RNF14: variants seen among roughly 807,000 people sequenced by gnomAD.
The protein encoded by RNF14 is E3 ubiquitin-protein ligase RNF14.
In RNF14, 26 loss-of-function variants were observed where a neutral mutation model predicts 52.6. The observed-to-expected ratio is 0.49, with a 90% CI of 0.36 to 0.69. RNF14 has a LOEUF of 0.69. Ranked by LOEUF, RNF14 falls within the 30% of genes least tolerant of loss-of-function variation. RNF14 has a pLI of 0.00. For missense variants in RNF14, 404 were observed against 560.4 expected (o/e 0.72, Z 2.82); for synonymous variants, 194 against 202.0 (o/e 0.96, Z 0.34).
At chr5:141,955,546 T>C, upstream of RNF14, 1 of 1,614,120 alleles carries the variant, frequency 6.2e-7, no homozygotes, top group Non-Finnish European at 8.5e-7. This position sits in a 1 kb window ranked among gnomAD's most constrained non-coding sequence, Gnocchi z 5.5. Context: ...CTTCTGAATG[T>C]GTTTCTGGGG....
At chr5:141,952,252 G>T in the RNF14 span, among the ~76,000 whole-genome samples, 1 of 152,152 alleles carries the variant, frequency 6.6e-6, no homozygotes. Context: ...TACCACAGGG[G>T]TTGCCTCTGG....
intron 8 of RNF14, among the ~76,000 whole-genome samples, chr5:141,987,085 C>T (rs1003623497): frequency 2.0e-5 from 3 of 152,090 alleles, no homozygotes; most frequent in Non-Finnish European, 4.4e-5. Context: ...GGAGGGGCAG[C>T]ATCAGGCAGT....
At chr5:141,954,431 A>G (rs147507352), upstream of RNF14, among the ~76,000 whole-genome samples, 194 of 152,354 alleles carry the variant, frequency 1.3e-3, no homozygotes, top group African/African-American at 4.4e-3. Flanking sequence ...AGTACTGACT[A>G]CATGTCAGAT....
At chr5:141,956,139 G>T (rs770371311), upstream of RNF14, 1 of 1,614,116 alleles carries the variant, frequency 6.2e-7, no homozygotes, top group Middle Eastern at 1.6e-4. Context: ...CTTTTCCATC[G>T]CTGAGCACAG....
Position 141,988,501 on chromosome 5 carries a change from CAGA to C in RNF14, c.*716_*718del, listed in dbSNP as rs1755424175. Reference sequence around the variant, plus strand: ...AATCTAGAATTTAGTGATACTGGCTCAGAAGAATTTAAGTTCTATTCAGCCTTC... The same window carrying C: ...AATCTAGAATTTAGTGATACTGGCTCAGAATTTAAGTTCTATTCAGCCTTC... On this transcript the variant is annotated 3_prime_UTR_variant, in exon 9 of 9. Coordinates refer to ENST00000394520, the MANE Select transcript of RNF14 (RefSeq NM_004290.5). 1 of 152,296 alleles carries C rather than the reference CAGA, an allele frequency of 6.6e-6. No individual in the cohort carries two copies. Among genetic ancestry groups the C allele is most frequent in the Non-Finnish European group, 1.5e-5 (1 of 68,036 alleles). 9.4% of individuals were successfully genotyped at this position (152,296 alleles called of 1,614,324 possible). A position where few individuals can be genotyped will look rare whatever the true frequency, so the allele number is the denominator to read the frequency against.
intron 7 of RNF14, 115 bp from the exon 8 acceptor site, chr5:141,984,688 C>T: frequency 6.8e-6 from 6 of 885,404 alleles, no homozygotes; most frequent in Non-Finnish European, 1.1e-5. Flanking sequence ...ATATCTCAAC[C>T]CTGCATAAGA....
Position 141,973,572 on chromosome 5 carries a change from A to T in RNF14, c.-6-11A>T, listed in dbSNP as rs763386195. ...GCATTTTCTGTTCTTAACTGATTTTAATGTTTTCAGGTCCTTATGTCGTCA... is the reference window on the plus strand; with the variant it reads ...GCATTTTCTGTTCTTAACTGATTTTTATGTTTTCAGGTCCTTATGTCGTCA... On this transcript the variant is annotated splice_polypyrimidine_tract_variant and intron_variant, in intron 2 of 8. Coordinates refer to ENST00000394520, the MANE Select transcript of RNF14 (RefSeq NM_004290.5). 6.9e-6 allele frequency: 11 copies of T among 1,602,272 alleles called. No individual in the cohort carries two copies. The highest frequency in any genetic ancestry group is 8.5e-6 in the Non-Finnish European group (10 of 1,175,766).
chr5:141,950,809 G>A, the RNF14 span, among the ~76,000 whole-genome samples: 1 of 152,214 alleles, frequency 6.6e-6, no homozygotes, highest in Non-Finnish European at 1.5e-5. Context: ...AAGGGGAAAG[G>A]AGTTAGCATT....
At chr5:141,984,238 C>A (rs1049189466) in intron 7 of RNF14, among the ~76,000 whole-genome samples, 1 of 151,910 alleles carries the variant, frequency 6.6e-6, no homozygotes, top group Non-Finnish European at 1.5e-5. Flanking sequence ...GCTGGGATTA[C>A]AGGCGCCAGC....
Position 141,973,640 on chromosome 5 carries a change from A to G in RNF14, c.52A>G (p.Ser18Gly), listed in dbSNP as rs779752506. The stretch of plus-strand genomic sequence containing the variant: ...GGAGGATGAATTGCTGGCCCTGGCA[A>G]GTATTTACGATGGAGATGAATTTAG... The part of the protein sequence containing the change: ...AQEDELLALA[S>G]IYDGDEFRKA... The change falls in exon 3 of 9, where the codon AGT becomes GGT. Residue 18 changes from serine to glycine, a missense_variant. By Grantham distance (56) the Ser-to-Gly change is moderately conservative. Transcript: ENST00000394520. The G allele has an allele frequency of 3.1e-6, 5 of 1,613,964 alleles. No homozygotes were observed. Among genetic ancestry groups the G allele is most frequent in the Non-Finnish European group, 4.2e-6 (5 of 1,179,882 alleles).
intron 1 of RNF14, among the ~76,000 whole-genome samples, chr5:141,959,775 C>T (rs1753240411): frequency 6.6e-6 from 1 of 152,114 alleles, no homozygotes; most frequent in Non-Finnish European, 1.5e-5. Context: ...GGCCTGAATC[C>T]AGGGCCACCT....
chr5:141,951,914 C>T, the RNF14 span, among the ~76,000 whole-genome samples: 1 of 152,218 alleles, frequency 6.6e-6, no homozygotes, highest in Non-Finnish European at 1.5e-5. Context: ...CATTTCCTGA[C>T]CATCAATTTG....
At chr5:141,971,102 A>G (rs928564772) in intron 2 of RNF14, among the ~76,000 whole-genome samples, 2 of 152,192 alleles carry the variant, frequency 1.3e-5, no homozygotes, top group Non-Finnish European at 2.9e-5. Flanking sequence ...TGCAAATGCA[A>G]TTGTAGTTCA....
upstream of RNF14, among the ~76,000 whole-genome samples, chr5:141,966,302 C>T (rs1250990388): frequency 6.6e-6 from 1 of 152,056 alleles, no homozygotes; most frequent in African/African-American, 2.4e-5. Context: ...CAAAACAAAA[C>T]CCCAAAGTAT....
intron 4 of RNF14, among the ~76,000 whole-genome samples, chr5:141,977,849 T>C (rs1754400871): frequency 6.6e-6 from 1 of 152,266 alleles, no homozygotes; most frequent in African/African-American, 2.4e-5. Context: ...ATTTTTAAAC[T>C]ATTCTTTTTC....
At position 141,980,388 on chromosome 5, in the gene RNF14, G is replaced by A. The variant is rs373659810; in HGVS notation, c.1063+37G>A. The A allele has an allele frequency of 2.9e-5, 43 of 1,481,926 alleles. No individual in the cohort carries two copies. In the South Asian group the frequency reaches 4.7e-4, roughly 16 times the overall value. 91.8% of individuals were successfully genotyped at this position (1,481,926 alleles called of 1,614,324 possible). A position where few individuals can be genotyped will look rare whatever the true frequency, so the allele number is the denominator to read the frequency against. On this transcript the variant is annotated intron_variant, in intron 6 of 8. Transcript: ENST00000394520. The stretch of plus-strand genomic sequence containing the variant: ...CTGTGAACCCAAACCCCCATCCCCA[G>A]TCTCTCCCTCACATTTCACTCTACT...
At chr5:141,957,257 C>T, upstream of RNF14, 1 of 1,614,088 alleles carries the variant, frequency 6.2e-7, no homozygotes, top group Non-Finnish European at 8.5e-7. The surrounding 1 kb of genome is among the most constrained non-coding windows in gnomAD (Gnocchi z 4.3). Context: ...AGCTCCTTCA[C>T]CACTATGAGT....
Position 141,978,212 on chromosome 5 carries a change from T to C in RNF14, c.307-91T>C, listed in dbSNP as rs549810466. On this transcript the variant is annotated intron_variant, in intron 4 of 8. Transcript: ENST00000394520. ...AATAGTGTTAGAATAAGGGCCTAACTTGCAAGTGGAAAAGATTTCTAGGGA... is the reference window on the plus strand; with the variant it reads ...AATAGTGTTAGAATAAGGGCCTAACCTGCAAGTGGAAAAGATTTCTAGGGA... 1.5e-4 allele frequency: 170 copies of C among 1,157,664 alleles called. 1 individual carries two copies. In the African/African-American group the frequency reaches 2.3e-3, roughly 16 times the overall value. The allele number at this position is 1,157,664 out of a possible 1,614,324, so 71.7% of individuals were successfully genotyped here.
At chr5:141,954,883 A>G (rs1753146948), upstream of RNF14, 2 of 1,482,178 alleles carry the variant, frequency 1.3e-6, no homozygotes, top group African/African-American at 1.4e-5. Flanking sequence ...AGGAAGAAAC[A>G]TGAGGACTGT....
Sources: allele counts gnomAD v4.1 joint callset (sites outside exome capture counted in the v4.1 genomes callset), GRCh38; gene constraint gnomAD v4.1.1; non-coding constraint Gnocchi (gnomAD v3.1); transcripts MANE v1.5; gene names NCBI Gene and HGNC (gene_info 2026-07-23, HGNC 2026-07-21).